Variants in SIPA1L3 observed in about 807,000 individuals in gnomAD.
The protein encoded by SIPA1L3 is signal induced proliferation associated 1 like 3.
In SIPA1L3, 59 loss-of-function variants were observed where a neutral mutation model predicts 150.1. That is an observed-to-expected ratio of 0.39 (90% CI 0.32 to 0.49). SIPA1L3 has a LOEUF of 0.49. Among genes scored for constraint, SIPA1L3 ranks in the 20% least tolerant of loss-of-function variants. SIPA1L3 has a pLI of 0.86. For missense variants in SIPA1L3, 2,211 were observed against 2,489.5 expected (o/e 0.89, Z 2.38); for synonymous variants, 1,070 against 1,077.6 (o/e 0.99, Z 0.14).
intron 18 of SIPA1L3, among the ~76,000 whole-genome samples, chr19:38,196,376 G>GGAGCATGGAGGTCAAGGGCA (rs1972935771): frequency 1.9e-5 from 1 of 52,316 alleles, no homozygotes; most frequent in Non-Finnish European, 4.6e-5. Flanking sequence ...GGCCAAGGGC[G>GGAGCATGGAGGTCAAGGGCA]GAGCATGGAG....
chr19:38,039,760 A>G (rs1968871596), intron 2 of SIPA1L3, among the ~76,000 whole-genome samples: 1 of 151,360 alleles, frequency 6.6e-6, no homozygotes, highest in South Asian at 2.1e-4. Flanking sequence ...GAACAACATA[A>G]TCAGCTGCCT....
intron 2 of SIPA1L3, among the ~76,000 whole-genome samples, chr19:38,056,019 C>T (rs371374482): frequency 9.1e-4 from 138 of 152,358 alleles, no homozygotes; most frequent in African/African-American, 3.2e-3. Flanking sequence ...CTCTCCCTCC[C>T]GCTCGAGTCT....
chr19:38,179,390 C>T (rs1230821339), intron 15 of SIPA1L3, among the ~76,000 whole-genome samples: 2 of 152,166 alleles, frequency 1.3e-5, no homozygotes, highest in East Asian at 3.8e-4. Context: ...TGCAGTGGGC[C>T]AAGGTTGCAC....
chr19:38,020,924 C>T (rs1410627393), intron 1 of SIPA1L3, among the ~76,000 whole-genome samples: 1 of 152,190 alleles, frequency 6.6e-6, no homozygotes, highest in Admixed American at 6.5e-5. Flanking sequence ...TCTCAGCCTC[C>T]CGAGTAGCTG....
rs986342529 is a variant in SIPA1L3, at chr19:38,000,774, A to AT, written c.-378-28315_-378-28314insT. 8.7e-5 allele frequency among the ~76,000 whole-genome samples: 13 copies of AT among 149,322 alleles called. No individual in the cohort carries two copies. The Admixed American group carries it at 8.7e-4, about 10-fold the overall frequency. ...CTCTATATACATGCTGGGAAAAAAA[A>AT]GACTGGAAGGAAATGAACCAATGTC... On this transcript the variant is annotated intron_variant, in intron 1 of 21. Coordinates refer to ENST00000222345, the MANE Select transcript of SIPA1L3 (RefSeq NM_015073.3).
chr19:37,931,986 G>A lies in SIPA1L3; in HGVS notation c.-379+24628G>A, dbSNP rs529412014. Among the ~76,000 whole-genome samples the A allele has an allele frequency of 2.0e-5, 3 of 152,362 alleles. No individual in the cohort carries two copies. In the South Asian group the frequency reaches 6.2e-4, roughly 32 times the overall value. ...TGTAGCACTTAGAACAGCGCCTTGT[G>A]CAGTGAGCATTCCGGTTGTGGTTGT... On this transcript the variant is annotated intron_variant, in intron 1 of 21. Coordinates refer to ENST00000222345, the MANE Select transcript of SIPA1L3 (RefSeq NM_015073.3).
intron 2 of SIPA1L3, among the ~76,000 whole-genome samples, chr19:38,044,026 C>T (rs1476962383): frequency 3.3e-5 from 5 of 152,044 alleles, no homozygotes; most frequent in Non-Finnish European, 2.9e-5. Context: ...GAGGGGTGAG[C>T]CCATTTATAT....
At position 38,164,423 on chromosome 19, in the gene SIPA1L3, G is replaced by C; in HGVS notation, c.3781-56G>C. The C allele has an allele frequency of 6.6e-7, 1 of 1,523,212 alleles. No individual in the cohort carries two copies. The allele number at this position is 1,523,212 out of a possible 1,614,324, so 94.4% of individuals were successfully genotyped here. A position where few individuals can be genotyped will look rare whatever the true frequency, so the allele number is the denominator to read the frequency against. ...CCAGGCAGAGGGAGGACCCGGCAAG[G>C]GAAGATGCGCCCCTGCCCTGGAGTC... is the stretch of plus-strand genomic sequence containing the variant. On this transcript the variant is annotated intron_variant, in intron 14 of 21. Coordinates refer to ENST00000222345, the MANE Select transcript of SIPA1L3 (RefSeq NM_015073.3). The surrounding 1 kb of genome is among the most constrained non-coding windows in gnomAD (Gnocchi z 4.1).
At chr19:37,931,753 CAAAAT>C (rs1198004032) in intron 1 of SIPA1L3, among the ~76,000 whole-genome samples, 1 of 151,910 alleles carries the variant, frequency 6.6e-6, no homozygotes, top group African/African-American at 2.4e-5. Flanking sequence ...GACTCTGTCT[CAAAAT>C]AAAATAAAAT....
chr19:37,941,087 T>TACACACACACACAC (rs59368800), intron 1 of SIPA1L3, among the ~76,000 whole-genome samples: 49 of 128,632 alleles, frequency 3.8e-4, no homozygotes, highest in African/African-American at 6.9e-4. Context: ...CACACACACA[T>TACACACACACACAC]ACACACACAC....
chr19:38,205,044 G>A (rs1973176903), intron 21 of SIPA1L3, among the ~76,000 whole-genome samples: 1 of 152,130 alleles, frequency 6.6e-6, no homozygotes, highest in Non-Finnish European at 1.5e-5. Context: ...AAACCAAAGC[G>A]AGCTGCAGCA....
intron 14 of SIPA1L3, among the ~76,000 whole-genome samples, chr19:38,163,503 A>C (rs1972138975): frequency 6.6e-6 from 1 of 151,546 alleles, no homozygotes; most frequent in Non-Finnish European, 1.5e-5. Context: ...AAAAAAAAAA[A>C]AAAAAAAACA....
intron 11 of SIPA1L3, 39 bp from the exon 12 acceptor site, chr19:38,142,534 A>G (rs776985838): frequency 1.3e-6 from 2 of 1,573,254 alleles, no homozygotes; most frequent in Non-Finnish European, 8.7e-7. Flanking sequence ...GTACCCTCCT[A>G]CTCACCCTCT....
At chr19:37,994,416 C>G (rs1429677948) in intron 1 of SIPA1L3, among the ~76,000 whole-genome samples, 1 of 152,100 alleles carries the variant, frequency 6.6e-6, no homozygotes, top group Non-Finnish European at 1.5e-5. Context: ...CAGGGCTGGG[C>G]TGTGAAGTTG....
intron 6 of SIPA1L3, among the ~76,000 whole-genome samples, chr19:38,103,329 T>C (rs1030810638): frequency 2.6e-5 from 4 of 151,778 alleles, no homozygotes; most frequent in South Asian, 4.1e-4. Flanking sequence ...TGTACATAAA[T>C]ATATATGATA....
intron 1 of SIPA1L3, among the ~76,000 whole-genome samples, chr19:37,926,674 G>A (rs1237534236): frequency 6.6e-6 from 1 of 152,164 alleles, no homozygotes; most frequent in Non-Finnish European, 1.5e-5. Context: ...TGGAACCAGG[G>A]CACTGGCCTC....
chr19:37,973,477 C>G (rs1052670623), intron 1 of SIPA1L3, among the ~76,000 whole-genome samples: 5 of 146,668 alleles, frequency 3.4e-5, no homozygotes, highest in African/African-American at 1.3e-4. Flanking sequence ...TCAGGTGATC[C>G]ACCCACCTCG....
At chr19:38,162,101 G>C in intron 13 of SIPA1L3, 152 bp from the exon 14 acceptor site, 1 of 689,562 alleles carries the variant, frequency 1.5e-6, no homozygotes, top group South Asian at 1.6e-5. Context: ...TATGTGCTGA[G>C]ATGTATTCTC....
chr19:38,039,844 G>A (rs8112893), intron 2 of SIPA1L3, among the ~76,000 whole-genome samples: 8,377 of 152,130 alleles, frequency 0.055, 799 homozygotes, highest in African/African-American at 0.19. Context: ...ATTCAGCAGG[G>A]TACAGTGGCT....
Sources: gnomAD v4.1 joint callset for allele counts (sites outside exome capture counted in the v4.1 genomes callset) on GRCh38, gnomAD v4.1.1 for gene constraint, Gnocchi (gnomAD v3.1) non-coding constraint, MANE v1.5 for transcripts, NCBI Gene and HGNC (gene_info 2026-07-23, HGNC 2026-07-21) for gene names.